The following COL5A2 variants were observed in gnomAD, a reference collection of about 807,000 sequenced individuals.
The protein encoded by COL5A2 is collagen alpha-2(V) chain.
A neutral mutation model predicts 208.2 loss-of-function variants in COL5A2; 23 were observed. That is an observed-to-expected ratio of 0.11 (90% CI 0.08 to 0.16). COL5A2 has a LOEUF of 0.16. Among genes scored for constraint, COL5A2 ranks in the 10% least tolerant of loss-of-function variants. COL5A2 has a pLI of 1.00. For missense variants in COL5A2, 1,590 were observed against 1,956.4 expected, an observed-to-expected ratio of 0.81 and a Z score of 3.53; for synonymous variants, 625 against 628.5, an observed-to-expected ratio of 0.99 and a Z score of 0.08.
the COL5A2 span, among the ~76,000 whole-genome samples, chr2:189,348,610 G>A: frequency 6.6e-6 from 1 of 152,142 alleles, no homozygotes; most frequent in Non-Finnish European, 1.5e-5. Context: ...CTGAGCCTTA[G>A]TTTTCTCTTC....
intron 2 of COL5A2, among the ~76,000 whole-genome samples, chr2:189,110,014 T>C (rs1479158414): frequency 6.6e-6 from 1 of 152,190 alleles, no homozygotes; most frequent in Non-Finnish European, 1.5e-5. Context: ...CCCCAAATGC[T>C]TCAGATATTT....
intron 1 of COL5A2, among the ~76,000 whole-genome samples, chr2:189,223,386 TCTC>T: frequency 6.6e-6 from 1 of 152,174 alleles, no homozygotes; most frequent in East Asian, 1.9e-4. Flanking sequence ...TTCAAATCAT[TCTC>T]CTCATTCACT....
rs1688280103 is a variant in COL5A2 at position 189,157,614 on chromosome 2, C to T, written c.97+21894G>A. On this transcript the variant is annotated intron_variant, in intron 1 of 53. Coordinates refer to ENST00000374866, the MANE Select transcript of COL5A2 (RefSeq NM_000393.5). ...TATTATCTACTTCAAAGTGTTTTTC[C>T]CACATACCAGTAAAAGGAAGATTGG... is the stretch of plus-strand genomic sequence containing the variant. Among the ~76,000 whole-genome samples the T allele has an allele frequency of 3.9e-5, 6 of 151,922 alleles. No homozygotes were observed. The South Asian group carries it at 1.2e-3, about 31-fold the overall frequency.
chr2:189,354,778 C>A, the COL5A2 span, among the ~76,000 whole-genome samples: 1 of 152,082 alleles, frequency 6.6e-6, no homozygotes, highest in African/African-American at 2.4e-5. Flanking sequence ...TCTCTATCTC[C>A]TTCAGTTCTG....
chr2:189,135,015 C>A (rs1687800094), intron 1 of COL5A2, among the ~76,000 whole-genome samples: 1 of 152,116 alleles, frequency 6.6e-6, no homozygotes. Flanking sequence ...ATTCATATCT[C>A]CAGCTCATAA....
the COL5A2 span, among the ~76,000 whole-genome samples, chr2:189,262,613 C>G: frequency 1.3e-5 from 2 of 152,028 alleles, no homozygotes; most frequent in African/African-American, 4.8e-5. Flanking sequence ...CATTCTTGTA[C>G]TATCATGAAA....
At chr2:189,276,004 C>A in the COL5A2 span, among the ~76,000 whole-genome samples, 1 of 152,112 alleles carries the variant, frequency 6.6e-6, no homozygotes, top group Non-Finnish European at 1.5e-5. Context: ...CATCATGTAG[C>A]AATTGATTGT....
At chr2:189,199,245 G>A (rs560227193) in intron 1 of COL5A2, among the ~76,000 whole-genome samples, 6 of 152,210 alleles carry the variant, frequency 3.9e-5, no homozygotes, top group African/African-American at 9.6e-5. Flanking sequence ...GTTTAGCAAA[G>A]ATTTGTATAA....
At chr2:189,101,642 T>C (rs1687048492) in intron 3 of COL5A2, among the ~76,000 whole-genome samples, 1 of 152,130 alleles carries the variant, frequency 6.6e-6, no homozygotes, top group South Asian at 2.1e-4. Flanking sequence ...AATCTACTTA[T>C]ATCCTTCCAA....
In COL5A2 at chr2:189,102,810, C is replaced by T. The variant is rs1030676744; in HGVS notation, c.336+1454G>A. On this transcript the variant is annotated intron_variant, in intron 3 of 53. Coordinates refer to ENST00000374866, the MANE Select transcript of COL5A2 (RefSeq NM_000393.5). The stretch of plus-strand genomic sequence containing the variant: ...AAGTAAATATCAAAGTGGATATAAA[C>T]GAAGAACAAATTGCATTTTTATAAC... Among the ~76,000 whole-genome samples the T allele has an allele frequency of 3.3e-5, 5 of 152,144 alleles. No homozygotes were observed. In the East Asian group the frequency reaches 5.8e-4, roughly 18 times the overall value.
the COL5A2 span, among the ~76,000 whole-genome samples, chr2:189,259,115 A>C: frequency 2.2e-4 from 33 of 152,216 alleles, no homozygotes; most frequent in Non-Finnish European, 4.1e-4. Context: ...GAAAGAAGTC[A>C]ATCGTGACTT....
chr2:189,050,524 G>C (rs1032130724), intron 43 of COL5A2, 45 bp downstream of exon 43: 1 of 1,385,342 alleles, frequency 7.2e-7, no homozygotes, highest in Admixed American at 2.0e-5. Context: ...TAAACAATTT[G>C]TATTGCACAT....
the COL5A2 span, among the ~76,000 whole-genome samples, chr2:189,233,688 C>G: frequency 6.6e-6 from 1 of 151,640 alleles, no homozygotes; most frequent in Non-Finnish European, 1.5e-5. Context: ...GATTTCTCAA[C>G]TTTATGATGA....
the COL5A2 span, among the ~76,000 whole-genome samples, chr2:189,234,822 G>A: frequency 1.3e-5 from 2 of 151,534 alleles, no homozygotes; most frequent in Admixed American, 1.3e-4. Context: ...AGGAATTAAT[G>A]GCATGATCTA....
the COL5A2 span, among the ~76,000 whole-genome samples, chr2:189,309,791 T>C: frequency 2.6e-5 from 4 of 152,168 alleles, no homozygotes; most frequent in African/African-American, 9.7e-5. Flanking sequence ...TGCCAGACTT[T>C]TGTCTGTGCT....
In COL5A2 at chr2:189,110,324, C is replaced by T. The variant is rs867181051; in HGVS notation, c.223G>A (p.Glu75Lys). 1.9e-6 allele frequency: 3 copies of T among 1,614,156 alleles called. No individual in the cohort carries two copies. The highest frequency in any genetic ancestry group is 1.1e-5 in the South Asian group (1 of 91,084). Residue 75 changes from glutamate to lysine, a missense_variant, in exon 2 of 54, where the codon GAA becomes AAA. Glu to Lys is a moderately conservative substitution (Grantham distance 56). Transcript: ENST00000374866. ...GCACAGTCCAGCACATCCTGGCATT[C>T]TATCTTGTCACAGAGAATGGCTCCA... ...DNGAILCDKI[E>K]CQDVLDCADP...
the COL5A2 span, among the ~76,000 whole-genome samples, chr2:189,271,322 G>GGAACA: frequency 6.6e-6 from 1 of 151,918 alleles, no homozygotes; most frequent in African/African-American, 2.4e-5. Context: ...ATAGACCAAT[G>GGAACA]GAACAGAACA....
the COL5A2 span, among the ~76,000 whole-genome samples, chr2:189,321,180 G>T: frequency 6.6e-6 from 1 of 152,144 alleles, no homozygotes; most frequent in Non-Finnish European, 1.5e-5. Flanking sequence ...TAAACATGGA[G>T]AGGAACAACC....
chr2:189,372,895 T>C, the COL5A2 span, among the ~76,000 whole-genome samples: 3 of 152,156 alleles, frequency 2.0e-5, no homozygotes, highest in Non-Finnish European at 2.9e-5. Context: ...TTTATTATAC[T>C]CACACAAACA....
Sources: allele counts gnomAD v4.1 joint callset (sites outside exome capture counted in the v4.1 genomes callset), GRCh38; gene constraint gnomAD v4.1.1; transcripts MANE v1.5; gene names NCBI Gene and HGNC (gene_info 2026-07-23, HGNC 2026-07-21).